Variants in PSD2 observed in about 807,000 individuals in gnomAD.
PSD2 encodes the protein pleckstrin and Sec7 domain containing 2.
A neutral mutation model predicts 69.8 loss-of-function variants in PSD2; 38 were observed. That is an observed-to-expected ratio of 0.54 (90% confidence interval 0.42 to 0.71). The LOEUF is 0.71. Ranked by LOEUF, PSD2 falls within the 30% of genes least tolerant of loss-of-function variation. The probability of loss-of-function intolerance (pLI) is 0.00; values close to 1 mark genes in which losing one functional copy is unlikely to be tolerated. For missense variants in PSD2, 943 were observed against 1,014.5 expected (o/e 0.93, Z 0.96); for synonymous variants, 412 against 423.0 (o/e 0.97, Z 0.32).
chr5:139,830,626 C>CTCTTTTTTTCTTTCTTTCTTTCTTTCTT (rs1760568098), intron 7 of PSD2, among the ~76,000 whole-genome samples: 1 of 97,662 alleles, frequency 1.0e-5, no homozygotes, highest in Non-Finnish European at 1.8e-5. Context: ...TTCTTTCTTT[C>CTCTTTTTTTCTTTCTTTCTTTCTTTCTT]TCTTTCTTTC....
chr5:139,828,438 G>T (rs892329775), intron 7 of PSD2, among the ~76,000 whole-genome samples: 7 of 152,232 alleles, frequency 4.6e-5, no homozygotes, highest in African/African-American at 1.7e-4. Context: ...GGGCTGGATG[G>T]TGGAGGGCTG....
the PSD2 span, among the ~76,000 whole-genome samples, chr5:139,768,830 T>C: frequency 1.3e-5 from 2 of 151,888 alleles, no homozygotes; most frequent in African/African-American, 4.8e-5. Context: ...GGTGGGTGCA[T>C]CATGCCTCTC....
chr5:139,797,302 C>T (rs530551121), intron 1 of PSD2, among the ~76,000 whole-genome samples: 1 of 152,334 alleles, frequency 6.6e-6, no homozygotes, highest in Non-Finnish European at 1.5e-5. Flanking sequence ...ATAGCAGGTC[C>T]CTAGGGTTTG....
In PSD2 at chr5:139,837,313, C is replaced by CG; in HGVS notation, c.1665+76dup. Reference sequence around the variant, plus strand: ...ATCCCGCCCTGGCCTTGTGGCACCCCGAAGCCCCAGGCAGGACCTGGGGCT... The same window carrying CG: ...ATCCCGCCCTGGCCTTGTGGCACCCCGGAAGCCCCAGGCAGGACCTGGGGCT... On this transcript the variant is annotated intron_variant, in intron 11 of 14. Transcript: ENST00000274710. This position sits in a 1 kb window ranked among gnomAD's most constrained non-coding sequence, Gnocchi z 5.0. 1 of 1,316,312 alleles carries CG rather than the reference C, an allele frequency of 7.6e-7. No homozygotes were observed. The highest frequency in any genetic ancestry group is 1.0e-6 in the Non-Finnish European group (1 of 985,892). 81.5% of individuals were successfully genotyped at this position (1,316,312 alleles called of 1,614,324 possible).
At chr5:139,746,867 C>T in the PSD2 span, among the ~76,000 whole-genome samples, 1 of 152,206 alleles carries the variant, frequency 6.6e-6, no homozygotes. This position sits in a 1 kb window ranked among gnomAD's most constrained non-coding sequence, Gnocchi z 4.5. Flanking sequence ...CTCTGGCTCC[C>T]AGCCCTGGTG....
chr5:139,814,076 G>A lies in PSD2; in HGVS notation c.822-94G>A, dbSNP rs562677994. 1.7e-6 allele frequency: 2 copies of A among 1,201,028 alleles called. No homozygotes were observed. Among genetic ancestry groups the A allele is most frequent in the Admixed American group, 2.2e-5 (1 of 45,436 alleles). The allele number at this position is 1,201,028 out of a possible 1,614,324, so 74.4% of individuals were successfully genotyped here. Reference sequence around the variant, plus strand: ...TCTTTCCCTGTTCTGGCCCCTACATGGTTTGCAGTGGCCTGGGGAAACCTC... The same window carrying A: ...TCTTTCCCTGTTCTGGCCCCTACATAGTTTGCAGTGGCCTGGGGAAACCTC... On this transcript the variant is annotated intron_variant, in intron 3 of 14. Coordinates refer to ENST00000274710, the MANE Select transcript of PSD2 (RefSeq NM_032289.4). The surrounding 1 kb of genome is among the most constrained non-coding windows in gnomAD (Gnocchi z 4.4).
intron 1 of PSD2, among the ~76,000 whole-genome samples, chr5:139,803,437 C>T (rs1030366798): frequency 1.3e-5 from 2 of 152,238 alleles, no homozygotes; most frequent in Middle Eastern, 3.2e-3. Flanking sequence ...GAGGCAGCAG[C>T]CCTCCCTTGA....
intron 8 of PSD2, among the ~76,000 whole-genome samples, chr5:139,834,669 G>A (rs185044731): frequency 2.0e-5 from 3 of 152,056 alleles, no homozygotes; most frequent in East Asian, 3.9e-4. Flanking sequence ...TAATGAGTTC[G>A]GAGGTCTCCA....
intron 5 of PSD2, among the ~76,000 whole-genome samples, 157 bp from the exon 6 acceptor site, chr5:139,821,736 G>A (rs1044512338): frequency 2.6e-5 from 4 of 152,190 alleles, no homozygotes; most frequent in African/African-American, 9.7e-5. Context: ...CATCCTGGGG[G>A]CCAGGGCCTC....
rs748694317 is a variant in PSD2 at position 139,809,798 on chromosome 5, G to A, written c.358G>A (p.Asp120Asn). The A allele has an allele frequency of 6.2e-7, 1 of 1,614,146 alleles. No individual in the cohort carries two copies. Among genetic ancestry groups the A allele is most frequent in the South Asian group, 1.1e-5 (1 of 91,074 alleles). ...ASRSLYPDAE[D>N]PQLGLDGPGE... ...CAGGAGCCTCTACCCAGATGCTGAG[G>A]ACCCTCAGCTGGGGTGAGTGGATGT... The change falls in exon 2 of 15, where the codon GAC (aspartate) becomes AAC (asparagine). Residue 120 changes from aspartate to asparagine, a missense_variant. Coordinates refer to ENST00000274710, the MANE Select transcript of PSD2 (RefSeq NM_032289.4).
In PSD2 at chr5:139,809,925, G is replaced by A. The variant is rs947209855; in HGVS notation, c.371+114G>A. 5.1e-6 allele frequency: 6 copies of A among 1,165,858 alleles called. No individual in the cohort carries two copies. The African/African-American group carries it at 7.7e-5, about 15-fold the overall frequency. 72.2% of individuals were successfully genotyped at this position (1,165,858 alleles called of 1,614,324 possible). A position where few individuals can be genotyped will look rare whatever the true frequency, so the allele number is the denominator to read the frequency against. Reference sequence around the variant, plus strand: ...CTTGTTTTTCTCACACATAAAATGGGGATTTCATATCCCTCTTTTGCCCAG... The same window carrying A: ...CTTGTTTTTCTCACACATAAAATGGAGATTTCATATCCCTCTTTTGCCCAG... On this transcript the variant is annotated intron_variant, in intron 2 of 14. Transcript: ENST00000274710.
intron 1 of PSD2, among the ~76,000 whole-genome samples, chr5:139,797,811 G>C (rs1759567966): frequency 6.6e-6 from 1 of 152,138 alleles, no homozygotes; most frequent in Non-Finnish European, 1.5e-5. Context: ...TTTGCACTTG[G>C]CCAGAACTGT....
chr5:139,838,897 A>G, intron 13 of PSD2, 125 bp downstream of exon 13: 1 of 1,029,834 alleles, frequency 9.7e-7, no homozygotes, highest in Non-Finnish European at 1.4e-6. Flanking sequence ...GACACCAGAG[A>G]AGGACACCTG....
Position 139,814,346 on chromosome 5 carries a change from C to G in PSD2, c.998C>G (p.Ala333Gly), listed in dbSNP as rs745506990. 6.2e-7 allele frequency: 1 copy of G among 1,602,824 alleles called. No homozygotes were observed. The highest frequency in any genetic ancestry group is 8.5e-7 in the Non-Finnish European group (1 of 1,175,022). The change falls in exon 4 of 15, where the codon GCC becomes GGC. Residue 333 changes from alanine (A) to glycine (G), a missense_variant. Transcript: ENST00000274710. This position sits in a 1 kb window ranked among gnomAD's most constrained non-coding sequence, Gnocchi z 4.4. ...GAGGGCTTCCAGCGCTGTGATGTGGCCCGGCAGCTGGGCAAGAAGTGAGTG... is the reference window on the plus strand; with the variant it reads ...GAGGGCTTCCAGCGCTGTGATGTGGGCCGGCAGCTGGGCAAGAAGTGAGTG... ...HLEGFQRCDVARQLGKNNEFS... is the reference protein window; with the variant it reads ...HLEGFQRCDVGRQLGKNNEFS...
chr5:139,784,001 G>A, the PSD2 span, among the ~76,000 whole-genome samples: 2 of 135,704 alleles, frequency 1.5e-5, no homozygotes, highest in Admixed American at 1.6e-4. Flanking sequence ...CTGGAGTGCA[G>A]TGGCATGATC....
At chr5:139,796,207 C>T (rs1337793564) in intron 1 of PSD2, among the ~76,000 whole-genome samples, 1 of 152,022 alleles carries the variant, frequency 6.6e-6, no homozygotes, top group African/African-American at 2.4e-5. Flanking sequence ...CCGGGCTGGC[C>T]GGGTCTGGGC....
chr5:139,786,953 C>T, the PSD2 span, among the ~76,000 whole-genome samples: 1 of 152,104 alleles, frequency 6.6e-6, no homozygotes, highest in Non-Finnish European at 1.5e-5. Context: ...TAGAGAAACC[C>T]CTTTTCACTG....
chr5:139,836,724 C>T, intron 9 of PSD2, 87 bp from the exon 10 acceptor site: 1 of 1,226,184 alleles, frequency 8.2e-7, no homozygotes, highest in Admixed American at 1.9e-5. Flanking sequence ...ACCCTGGCTC[C>T]TGGAGAGGAG....
the PSD2 span, among the ~76,000 whole-genome samples, chr5:139,765,322 C>T: frequency 6.6e-6 from 1 of 152,142 alleles, no homozygotes; most frequent in Non-Finnish European, 1.5e-5. Flanking sequence ...ACCCAGCGCC[C>T]TCTTTCCAGT....
Sources: allele counts gnomAD v4.1 joint callset (sites outside exome capture counted in the v4.1 genomes callset), GRCh38; gene constraint gnomAD v4.1.1; non-coding constraint Gnocchi (gnomAD v3.1); transcripts MANE v1.5; gene names NCBI Gene and HGNC (gene_info 2026-07-23, HGNC 2026-07-21).